Variants in RANBP2 observed in about 807,000 individuals in gnomAD.
The protein encoded by RANBP2 is RAN binding protein 2, also known as E3 SUMO-protein ligase RanBP2.
RANBP2 carries 57 observed loss-of-function variants against 303.6 expected under a neutral mutation model. That is an observed-to-expected ratio of 0.19 (90% CI 0.15 to 0.23). RANBP2 has a LOEUF of 0.23. Ranked by LOEUF, RANBP2 falls within the 10% of genes least tolerant of loss-of-function variation. The probability of loss-of-function intolerance (pLI) is 1.00; values close to 1 mark genes in which losing one functional copy is unlikely to be tolerated. For synonymous variants in RANBP2, 1,167 were observed against 1,301.5 expected (o/e 0.90, Z 2.23); for missense variants, 3,138 against 3,780.8 (o/e 0.83, Z 4.46).
At chr2:108,871,487 G>A in the RANBP2 span, among the ~76,000 whole-genome samples, 1 of 151,874 alleles carries the variant, frequency 6.6e-6, no homozygotes, top group Non-Finnish European at 1.5e-5. Context: ...AGAGGGAGGA[G>A]GCTTCAGTGA....
the RANBP2 span, among the ~76,000 whole-genome samples, chr2:109,596,922 T>A: frequency 6.6e-6 from 1 of 152,196 alleles, no homozygotes; most frequent in African/African-American, 2.4e-5. Flanking sequence ...TGGAAAAGAT[T>A]TTCTTAATTT....
At chr2:108,786,756 C>T (rs1438898934), downstream of RANBP2, 9 of 1,437,394 alleles carry the variant, frequency 6.3e-6, no homozygotes, top group Non-Finnish European at 8.6e-6. Context: ...TGACGCACTG[C>T]GGCCGCGTAG....
At chr2:108,843,861 TG>T in the RANBP2 span, among the ~76,000 whole-genome samples, 5 of 140,742 alleles carry the variant, frequency 3.6e-5, no homozygotes, top group East Asian at 4.2e-4. Context: ...TGTGTGTGTG[TG>T]TGTGTGTGTG....
chr2:109,288,433 A>G, the RANBP2 span, among the ~76,000 whole-genome samples: 2 of 152,194 alleles, frequency 1.3e-5, no homozygotes, highest in Non-Finnish European at 2.9e-5. Flanking sequence ...GCCAGCTTTA[A>G]AACCCGATAA....
chr2:109,249,571 C>T, the RANBP2 span, among the ~76,000 whole-genome samples: 1 of 129,424 alleles, frequency 7.7e-6, no homozygotes, highest in African/African-American at 3.3e-5. Context: ...TTCCTTCCTT[C>T]CTTCCTTCCT....
At position 108,754,779 on chromosome 2, in the gene RANBP2, A is replaced by G. The variant is rs926258397; in HGVS notation, c.2203-126A>G. ...ATTAAAAAACACTTTCACGTGTATT[A>G]TTTAAAGTGTAAAGTGCCTATTAAA... On this transcript the variant is annotated intron_variant, in intron 15 of 28. Transcript: ENST00000283195. The G allele has an allele frequency of 1.7e-5, 23 of 1,372,486 alleles. 1 individual carries two copies. The highest frequency in any genetic ancestry group is 5.2e-4 in the Middle Eastern group (2 of 3,822). 85.0% of individuals were successfully genotyped at this position (1,372,486 alleles called of 1,614,324 possible).
chr2:109,414,077 CCTT>C, the RANBP2 span, among the ~76,000 whole-genome samples: 1 of 152,202 alleles, frequency 6.6e-6, no homozygotes, highest in African/African-American at 2.4e-5. Flanking sequence ...CTATGGGTCT[CCTT>C]CTGTTTATTG....
chr2:109,385,971 T>C, the RANBP2 span, among the ~76,000 whole-genome samples: 1 of 152,340 alleles, frequency 6.6e-6, no homozygotes, highest in South Asian at 2.1e-4. Context: ...AATATGTCCC[T>C]TTGGGTTAAG....
the RANBP2 span, among the ~76,000 whole-genome samples, chr2:109,157,922 T>A: frequency 6.6e-6 from 1 of 152,146 alleles, no homozygotes; most frequent in African/African-American, 2.4e-5. Context: ...CGTGTTTGAT[T>A]TGCAGGCCGC....
At chr2:109,553,123 C>T in the RANBP2 span, 1 of 1,613,698 alleles carries the variant, frequency 6.2e-7, no homozygotes, top group Non-Finnish European at 8.5e-7. Flanking sequence ...CTTCTTTCTC[C>T]TTTACTCGCT....
chr2:108,838,255 G>C, the RANBP2 span, among the ~76,000 whole-genome samples: 1 of 152,172 alleles, frequency 6.6e-6, no homozygotes, highest in Non-Finnish European at 1.5e-5. Context: ...GGCTGGTCCA[G>C]GGAGGGGCAA....
chr2:109,133,570 C>CTT, the RANBP2 span, among the ~76,000 whole-genome samples: 1 of 151,044 alleles, frequency 6.6e-6, no homozygotes, highest in Non-Finnish European at 1.5e-5. Flanking sequence ...AGAGTGAAGA[C>CTT]TAAGATTTTC....
chr2:109,531,099 G>A, the RANBP2 span, among the ~76,000 whole-genome samples: 5 of 152,160 alleles, frequency 3.3e-5, no homozygotes, highest in South Asian at 2.1e-4. Context: ...GGTGTGGACC[G>A]AGCAGGAGAG....
the RANBP2 span, among the ~76,000 whole-genome samples, chr2:109,643,264 A>G: frequency 2.8e-3 from 426 of 152,298 alleles, 3 homozygotes; most frequent in African/African-American, 9.9e-3. Context: ...TTCCATAAAC[A>G]TAGCATAAAC....
the RANBP2 span, among the ~76,000 whole-genome samples, chr2:109,292,827 G>T: frequency 2.3e-3 from 356 of 152,288 alleles, 1 homozygote; most frequent in African/African-American, 8.2e-3. Flanking sequence ...CTGCCTCCCA[G>T]GTTAAAGCGA....
chr2:109,500,421 C>T, the RANBP2 span, among the ~76,000 whole-genome samples: 3 of 152,134 alleles, frequency 2.0e-5, no homozygotes, highest in Non-Finnish European at 2.9e-5. Flanking sequence ...TCCCTGCAGG[C>T]GGAGGCCATG....
At chr2:109,605,766 T>A in the RANBP2 span, 2 of 152,082 alleles carry the variant, frequency 1.3e-5, no homozygotes, top group Admixed American at 1.3e-4. Flanking sequence ...CTGTAAATTA[T>A]AATTCTTTTC....
Position 108,766,056 on chromosome 2 carries a change from A to G in RANBP2, c.5517A>G (p.Thr1839=), listed in dbSNP as rs752234991. 4.3e-6 allele frequency: 7 copies of G among 1,614,082 alleles called. No homozygotes were observed. The Admixed American group carries it at 1.2e-4, about 27-fold the overall frequency. Residue 1839 remains threonine (T), a synonymous_variant, in exon 20 of 29, where the codon ACA becomes ACG. Transcript: ENST00000283195. The part of the protein sequence containing the change: ...LHDSSGSQVG[T]GFKSNFSEKA... ...ACTCTTCTGGAAGTCAGGTGGGAAC[A>G]GGATTTAAAAGTAATTTCTCAGAAA...
At chr2:109,541,107 C>A in the RANBP2 span, among the ~76,000 whole-genome samples, 1 of 152,266 alleles carries the variant, frequency 6.6e-6, no homozygotes, top group East Asian at 1.9e-4. Context: ...TTCCTATTAG[C>A]CTGGAAGTTA....
Sources: gnomAD v4.1 joint callset for allele counts (sites outside exome capture counted in the v4.1 genomes callset) on GRCh38, gnomAD v4.1.1 for gene constraint, MANE v1.5 for transcripts, NCBI Gene and HGNC (gene_info 2026-07-23, HGNC 2026-07-21) for gene names.